The following RABGAP1L variants were observed in gnomAD, a reference collection of about 807,000 sequenced individuals.
RABGAP1L encodes RAB GTPase activating protein 1 like.
Under a neutral mutation model 137.7 loss-of-function variants are expected in RABGAP1L, and 63 were observed. The ratio of observed to expected loss-of-function variants is 0.46; its 90% CI spans 0.37 to 0.56. The LOEUF (loss-of-function observed/expected upper bound fraction) is 0.56. RABGAP1L is among the 20% of genes least tolerant of loss of function. The pLI, the probability that RABGAP1L is intolerant of heterozygous loss-of-function variation, is 0.00. For missense variants in RABGAP1L, 1,095 were observed against 1,244.0 expected (o/e 0.88, Z 1.80); for synonymous variants, 431 against 433.7 (o/e 0.99, Z 0.08).
chr1:174,899,749 T>C (rs1657839923), intron 19 of RABGAP1L, among the ~76,000 whole-genome samples: 2 of 152,212 alleles, frequency 1.3e-5, no homozygotes, highest in African/African-American at 2.4e-5. Flanking sequence ...TTTTTTGAAA[T>C]AAAATTCATT....
intron 13 of RABGAP1L, among the ~76,000 whole-genome samples, chr1:174,447,260 A>G (rs1654870312): frequency 6.6e-6 from 1 of 152,142 alleles, no homozygotes; most frequent in South Asian, 2.1e-4. Flanking sequence ...AGTTTATTAC[A>G]TTTTGCCAGG....
chr1:174,500,393 T>C (rs1039833333), intron 13 of RABGAP1L, among the ~76,000 whole-genome samples: 3 of 152,246 alleles, frequency 2.0e-5, no homozygotes. Flanking sequence ...GGGTTTCTTA[T>C]AAGTGGAACG....
chr1:174,452,856 C>T (rs75650221), intron 13 of RABGAP1L, among the ~76,000 whole-genome samples: 6,112 of 152,056 alleles, frequency 0.04, 143 homozygotes, highest in Middle Eastern at 0.089. Flanking sequence ...CCACTGCACC[C>T]AGCCGGTAGC....
At chr1:174,216,552 C>T (rs1669335664) in intron 1 of RABGAP1L, among the ~76,000 whole-genome samples, 1 of 151,192 alleles carries the variant, frequency 6.6e-6, no homozygotes, top group African/African-American at 2.4e-5. Context: ...CTCCCTCTCT[C>T]CCCCTCCCCT....
intron 13 of RABGAP1L, among the ~76,000 whole-genome samples, chr1:174,468,226 A>G (rs1224446184): frequency 2.0e-5 from 3 of 152,118 alleles, no homozygotes; most frequent in Admixed American, 2.0e-4. Context: ...GGTTACACAA[A>G]CATTTGTGTG....
At chr1:174,340,338 G>T (rs901241520) in intron 11 of RABGAP1L, among the ~76,000 whole-genome samples, 1 of 151,926 alleles carries the variant, frequency 6.6e-6, no homozygotes, top group Non-Finnish European at 1.5e-5. Flanking sequence ...AAGTTCTGGG[G>T]TACATGTGCA....
chr1:174,618,080 C>G (rs1449071714), intron 13 of RABGAP1L, among the ~76,000 whole-genome samples: 2 of 152,216 alleles, frequency 1.3e-5, no homozygotes, highest in African/African-American at 4.8e-5. Flanking sequence ...TGCAAGGCAG[C>G]AGCGAGGCTG....
chr1:174,738,779 G>A (rs138573053), intron 17 of RABGAP1L, among the ~76,000 whole-genome samples: 76 of 152,282 alleles, frequency 5.0e-4, no homozygotes, highest in Middle Eastern at 3.4e-3. Flanking sequence ...CTTGCAGACC[G>A]TTTAATATTA....
chr1:174,852,842 G>A (rs540790466), intron 19 of RABGAP1L, among the ~76,000 whole-genome samples: 13 of 151,490 alleles, frequency 8.6e-5, no homozygotes, highest in African/African-American at 2.9e-4. Context: ...ACAAAAAAAA[G>A]TAGAACCCAT....
intron 19 of RABGAP1L, among the ~76,000 whole-genome samples, chr1:174,834,461 T>G (rs1692514777): frequency 6.6e-6 from 1 of 151,304 alleles, no homozygotes; most frequent in African/African-American, 2.4e-5. Context: ...TAAACCTGTG[T>G]TTTTTTTCTC....
chr1:174,272,718 A>G (rs1231200132), intron 8 of RABGAP1L, among the ~76,000 whole-genome samples: 1 of 152,008 alleles, frequency 6.6e-6, no homozygotes, highest in Non-Finnish European at 1.5e-5. Flanking sequence ...GATAATGTCC[A>G]TTTATTTTTT....
At chr1:174,689,637 G>A (rs377127574) in intron 15 of RABGAP1L, among the ~76,000 whole-genome samples, 20 of 152,166 alleles carry the variant, frequency 1.3e-4, no homozygotes, top group African/African-American at 4.6e-4. Context: ...TTGCTACCTC[G>A]TTTAAAAGGG....
At chr1:174,875,392 C>A in intron 19 of RABGAP1L, 1 of 258,496 alleles carries the variant, frequency 3.9e-6, no homozygotes, top group Non-Finnish European at 6.0e-6. Flanking sequence ...TGAATGCACT[C>A]TCCCAGGGTG....
At chr1:174,899,078 T>C (rs566759894) in intron 19 of RABGAP1L, among the ~76,000 whole-genome samples, 2 of 151,908 alleles carry the variant, frequency 1.3e-5, no homozygotes, top group East Asian at 3.9e-4. Flanking sequence ...GAAGAATGAG[T>C]AGGATTTAGT....
chr1:174,513,936 C>T (rs1033818383), intron 13 of RABGAP1L, among the ~76,000 whole-genome samples: 3 of 151,976 alleles, frequency 2.0e-5, no homozygotes, highest in African/African-American at 4.8e-5. Context: ...CTAACAAAAT[C>T]GTGATTACTT....
At chr1:174,464,702 C>T (rs930173615) in intron 13 of RABGAP1L, among the ~76,000 whole-genome samples, 2 of 151,936 alleles carry the variant, frequency 1.3e-5, no homozygotes, top group Non-Finnish European at 2.9e-5. Flanking sequence ...CATTTAGAAT[C>T]CAGTTTATAC....
intron 19 of RABGAP1L, among the ~76,000 whole-genome samples, chr1:174,910,161 G>A (rs1378002445): frequency 6.6e-6 from 1 of 151,878 alleles, no homozygotes; most frequent in Non-Finnish European, 1.5e-5. Flanking sequence ...AAACAAACAA[G>A]TAATGAGATC....
chr1:174,675,911 T>C (rs1016970466), intron 14 of RABGAP1L, among the ~76,000 whole-genome samples: 2 of 152,184 alleles, frequency 1.3e-5, no homozygotes, highest in Non-Finnish European at 2.9e-5. Context: ...TGTATTCTTA[T>C]TCATATGTAA....
At chr1:174,434,108 T>TACACACATACACACAC (rs1652966720) in intron 13 of RABGAP1L, among the ~76,000 whole-genome samples, 1 of 134,050 alleles carries the variant, frequency 7.5e-6, no homozygotes, top group Non-Finnish European at 1.7e-5. Context: ...CGTGTACACA[T>TACACACATACACACAC]ACACACACAC....
Sources: allele counts gnomAD v4.1 joint callset (sites outside exome capture counted in the v4.1 genomes callset), GRCh38; gene constraint gnomAD v4.1.1; transcripts MANE v1.5; gene names NCBI Gene and HGNC (gene_info 2026-07-23, HGNC 2026-07-21).